PPP1R16B: variants seen among roughly 807,000 people sequenced by gnomAD.
PPP1R16B encodes protein phosphatase 1 regulatory inhibitor subunit 16B.
Under a neutral mutation model 61.7 loss-of-function variants are expected in PPP1R16B, and 14 were observed. The observed-to-expected ratio is 0.23, with a 90% CI of 0.15 to 0.35. The LOEUF is 0.35. Ranked by LOEUF, PPP1R16B falls within the 10% of genes least tolerant of loss-of-function variation. The pLI, the probability that PPP1R16B is intolerant of heterozygous loss-of-function variation, is 1.00. For synonymous variants in PPP1R16B, 266 were observed against 305.3 expected, an observed-to-expected ratio of 0.87 and a Z score of 1.34; for missense variants, 547 against 752.5, an observed-to-expected ratio of 0.73 and a Z score of 3.19.
chr20:38,912,504 A>AG (rs992069135), intron 10 of PPP1R16B, among the ~76,000 whole-genome samples: 2 of 75,516 alleles, frequency 2.6e-5, no homozygotes, highest in Non-Finnish European at 5.3e-5. Flanking sequence ...ACCCCCCACC[A>AG]AAAAAAAAAA....
At chr20:38,815,341 A>G (rs2084728516) in intron 1 of PPP1R16B, among the ~76,000 whole-genome samples, 1 of 152,246 alleles carries the variant, frequency 6.6e-6, no homozygotes, top group Non-Finnish European at 1.5e-5. Context: ...CAACACACAG[A>G]TATACCTGGA....
intron 1 of PPP1R16B, among the ~76,000 whole-genome samples, chr20:38,825,105 C>T (rs914825755): frequency 3.9e-5 from 6 of 152,222 alleles, no homozygotes; most frequent in African/African-American, 1.4e-4. Context: ...AGAGAGTGGT[C>T]TTATAAGGCA....
chr20:38,871,580 G>C (rs2085129374), intron 2 of PPP1R16B, among the ~76,000 whole-genome samples: 1 of 137,444 alleles, frequency 7.3e-6, no homozygotes, highest in African/African-American at 2.7e-5. Flanking sequence ...AAGGAAGAGA[G>C]GAACGAAGGG....
At chr20:38,869,143 A>G (rs2085109498) in intron 2 of PPP1R16B, among the ~76,000 whole-genome samples, 1 of 139,738 alleles carries the variant, frequency 7.2e-6, no homozygotes, top group Non-Finnish European at 1.5e-5. Flanking sequence ...CACATAAAAA[A>G]TTAGCCATTT....
chr20:38,821,892 T>C (rs1458233323), intron 1 of PPP1R16B, among the ~76,000 whole-genome samples: 1 of 151,494 alleles, frequency 6.6e-6, no homozygotes, highest in Admixed American at 6.6e-5. Flanking sequence ...ATTTTCCTGT[T>C]TGTTTGTTTT....
chr20:38,850,743 G>C (rs1442182125), intron 2 of PPP1R16B, among the ~76,000 whole-genome samples: 2 of 152,186 alleles, frequency 1.3e-5, no homozygotes, highest in African/African-American at 4.8e-5. Context: ...GAGGTGGGCA[G>C]ATCACCTGAG....
intron 6 of PPP1R16B, among the ~76,000 whole-genome samples, chr20:38,905,662 A>G (rs1341420973): frequency 6.6e-6 from 1 of 152,156 alleles, no homozygotes; most frequent in Non-Finnish European, 1.5e-5. Flanking sequence ...AAAAATCACC[A>G]TATTGAACCT....
At chr20:38,862,578 ACTGT>A (rs2085059986) in intron 2 of PPP1R16B, among the ~76,000 whole-genome samples, 1 of 152,228 alleles carries the variant, frequency 6.6e-6, no homozygotes, top group South Asian at 2.1e-4. Flanking sequence ...AAATAAAATC[ACTGT>A]CTGACCCTTT....
intron 2 of PPP1R16B, among the ~76,000 whole-genome samples, chr20:38,862,651 G>C (rs1205829114): frequency 3.3e-5 from 5 of 152,240 alleles, no homozygotes; most frequent in Non-Finnish European, 7.3e-5. Context: ...CCCAGAGTCA[G>C]AGTCAGGAAT....
Position 38,853,094 on chromosome 20 carries a change from G to A in PPP1R16B, c.250+16919G>A, listed in dbSNP as rs144322282. Among the ~76,000 whole-genome samples, 429 of 152,172 alleles carry A rather than the reference G, an allele frequency of 2.8e-3. 1 individual carries two copies. The highest frequency in any genetic ancestry group is 0.01 in the African/African-American group (418 of 41,510). ...GCCCCACTGTTTCCTTTCTAATCGA[G>A]TGAGAAAATGGTCAGTATTTCTGTC... On this transcript the variant is annotated intron_variant, in intron 2 of 10. Transcript: ENST00000299824.
At chr20:38,852,048 G>A (rs190690262) in intron 2 of PPP1R16B, among the ~76,000 whole-genome samples, 23 of 152,248 alleles carry the variant, frequency 1.5e-4, no homozygotes, top group South Asian at 4.1e-4. Flanking sequence ...GGGACGGCGG[G>A]GGGGGAAGGC....
intron 1 of PPP1R16B, among the ~76,000 whole-genome samples, chr20:38,819,614 C>G (rs2145708267): frequency 6.6e-6 from 1 of 152,296 alleles, no homozygotes; most frequent in East Asian, 1.9e-4. Flanking sequence ...CCTGGAGAAG[C>G]AGCAGCACTT....
chr20:38,904,461 T>C (rs1317958686), intron 6 of PPP1R16B, among the ~76,000 whole-genome samples: 1 of 152,256 alleles, frequency 6.6e-6, no homozygotes, highest in East Asian at 1.9e-4. Flanking sequence ...AAATTCTCAA[T>C]AGATGTTAGC....
chr20:38,893,744 A>T (rs920456346), intron 3 of PPP1R16B, among the ~76,000 whole-genome samples: 1 of 152,072 alleles, frequency 6.6e-6, no homozygotes, highest in Non-Finnish European at 1.5e-5. Flanking sequence ...CGGGTCTCCC[A>T]GGTGTAGACT....
intron 1 of PPP1R16B, among the ~76,000 whole-genome samples, chr20:38,818,348 C>T (rs908105542): frequency 1.2e-4 from 18 of 152,038 alleles, no homozygotes; most frequent in African/African-American, 3.9e-4. Context: ...CAGTCCTGTT[C>T]GGTGCAGCTG....
intron 4 of PPP1R16B, among the ~76,000 whole-genome samples, 192 bp downstream of exon 4, chr20:38,895,902 CTTCCTT>C (rs1269502837): frequency 1.9e-5 from 2 of 107,364 alleles, no homozygotes; most frequent in Non-Finnish European, 4.0e-5. Flanking sequence ...TCCCTCCCTC[CTTCCTT>C]CTTTCTTCCC....
chr20:38,888,881 A>G (rs1003959772), intron 2 of PPP1R16B, among the ~76,000 whole-genome samples: 2 of 76,616 alleles, frequency 2.6e-5, no homozygotes, highest in Non-Finnish European at 5.8e-5. Context: ...CCCTGAACAC[A>G]CACACACACA....
At chr20:38,904,580 A>G (rs1362688301) in intron 6 of PPP1R16B, among the ~76,000 whole-genome samples, 2 of 152,076 alleles carry the variant, frequency 1.3e-5, no homozygotes, top group African/African-American at 4.8e-5. Flanking sequence ...GTCATTCTCT[A>G]CAACTGACAA....
intron 1 of PPP1R16B, among the ~76,000 whole-genome samples, chr20:38,810,694 T>C (rs2084695169): frequency 6.6e-6 from 1 of 152,212 alleles, no homozygotes; most frequent in Admixed American, 6.5e-5. Flanking sequence ...TGGATGCTGG[T>C]CACTGTCAAA....
Sources: gnomAD v4.1 joint callset for allele counts (sites outside exome capture counted in the v4.1 genomes callset) on GRCh38, gnomAD v4.1.1 for gene constraint, MANE v1.5 for transcripts, NCBI Gene and HGNC (gene_info 2026-07-23, HGNC 2026-07-21) for gene names.